Variants in SRRM4 observed in about 807,000 individuals in gnomAD.
SRRM4 encodes the protein serine/arginine repetitive matrix 4.
SRRM4 carries 33 observed loss-of-function variants against 68.9 expected under a neutral mutation model. The ratio of observed to expected loss-of-function variants is 0.48; its 90% CI spans 0.36 to 0.64. SRRM4 has a LOEUF of 0.64. Among genes scored for constraint, SRRM4 ranks in the 30% least tolerant of loss-of-function variants. The pLI, the probability that SRRM4 is intolerant of heterozygous loss-of-function variation, is 0.00. For synonymous variants in SRRM4, 318 were observed against 318.8 expected, an observed-to-expected ratio of 1.00 and a Z score of 0.03; for missense variants, 817 against 827.1, an observed-to-expected ratio of 0.99 and a Z score of 0.15.
chr12:118,999,416 C>T (rs1953369676), intron 1 of SRRM4, among the ~76,000 whole-genome samples: 1 of 152,088 alleles, frequency 6.6e-6, no homozygotes, highest in South Asian at 2.1e-4. Context: ...CTCAGGGAGC[C>T]CAATCTTATT....
intron 1 of SRRM4, among the ~76,000 whole-genome samples, chr12:118,983,743 G>T (rs964867386): frequency 6.6e-6 from 1 of 152,102 alleles, no homozygotes; most frequent in African/African-American, 2.4e-5. Context: ...GCCTTGCTTG[G>T]TACTTTCCAC....
At chr12:119,050,759 C>G (rs1338132539) in intron 1 of SRRM4, among the ~76,000 whole-genome samples, 1 of 152,174 alleles carries the variant, frequency 6.6e-6, no homozygotes, top group African/African-American at 2.4e-5. Flanking sequence ...AGATAGACCT[C>G]AAACTATGTT....
At chr12:119,111,070 A>G (rs1331340657) in intron 2 of SRRM4, among the ~76,000 whole-genome samples, 2 of 152,192 alleles carry the variant, frequency 1.3e-5, no homozygotes, top group Non-Finnish European at 2.9e-5. Context: ...CTTAACTACC[A>G]TTTGTTTAAC....
Position 119,125,415 on chromosome 12 carries a change from C to CGCCATCACCGCT in SRRM4, c.554_565dup (p.His185_Cys188dup), listed in dbSNP as rs751854067. The CGCCATCACCGCT allele has an allele frequency of 6.2e-7, 1 of 1,613,668 alleles. No homozygotes were observed. The highest frequency in any genetic ancestry group is 1.1e-5 in the South Asian group (1 of 91,012). On this transcript the variant is annotated inframe_insertion, in exon 7 of 13. Transcript: ENST00000267260. ...CCGGCCCCGAAAGTCTCACCGCCAC[C>CGCCATCACCGCT]GCCATCACCGCTGCCCCTCGCGGTC...
chr12:118,992,199 T>C (rs1953321253), intron 1 of SRRM4: 1 of 152,230 alleles, frequency 6.6e-6, no homozygotes, highest in Non-Finnish European at 1.5e-5. Context: ...GTCTGTAGTC[T>C]GCAGGTGAGC....
chr12:119,125,409 C>T lies in SRRM4; in HGVS notation c.544C>T (p.Arg182Cys), dbSNP rs1391699263. The change falls in exon 7 of 13, where the codon CGC (arginine) becomes TGC (cysteine). Residue 182 changes from arginine (R) to cysteine (C), a missense_variant. Transcript: ENST00000267260. ...QSRSRPRKSH[R>C]HRHHRCPSRS... Reference sequence around the variant, plus strand: ...TCGAAGCCGGCCCCGAAAGTCTCACCGCCACCGCCATCACCGCTGCCCCTC... The same window carrying T: ...TCGAAGCCGGCCCCGAAAGTCTCACTGCCACCGCCATCACCGCTGCCCCTC... The T allele has an allele frequency of 3.1e-6, 5 of 1,613,468 alleles. No homozygotes were observed. Among genetic ancestry groups the T allele is most frequent in the Middle Eastern group, 1.6e-4 (1 of 6,082 alleles).
At chr12:118,990,530 T>C (rs995862031) in intron 1 of SRRM4, among the ~76,000 whole-genome samples, 1 of 152,230 alleles carries the variant, frequency 6.6e-6, no homozygotes, top group Non-Finnish European at 1.5e-5. Flanking sequence ...ATTGCTAGTA[T>C]ATTCTTCTCT....
At chr12:119,047,994 T>C (rs1362164943) in intron 1 of SRRM4, among the ~76,000 whole-genome samples, 2 of 152,240 alleles carry the variant, frequency 1.3e-5, no homozygotes, top group East Asian at 1.9e-4. Flanking sequence ...AAGAGACAAA[T>C]GTTGCAATTC....
chr12:119,075,425 G>T (rs1953902679), intron 1 of SRRM4, among the ~76,000 whole-genome samples: 1 of 132,896 alleles, frequency 7.5e-6, no homozygotes, highest in Non-Finnish European at 1.6e-5. Context: ...GATGATGACA[G>T]TAATGATGAT....
At chr12:119,121,055 C>A (rs1054394360) in intron 5 of SRRM4, among the ~76,000 whole-genome samples, 2 of 152,152 alleles carry the variant, frequency 1.3e-5, no homozygotes, top group South Asian at 2.1e-4. Context: ...AGTAATGGCC[C>A]CATTTCACGG....
At chr12:119,116,901 G>A in intron 3 of SRRM4, 36 bp from the exon 4 acceptor site, 1 of 1,606,046 alleles carries the variant, frequency 6.2e-7, no homozygotes, top group Non-Finnish European at 8.5e-7. Flanking sequence ...GCCTTTAAGA[G>A]CCTCCTTCTG....
At chr12:119,028,812 A>C (rs753371649) in intron 1 of SRRM4, among the ~76,000 whole-genome samples, 31 of 152,180 alleles carry the variant, frequency 2.0e-4, no homozygotes, top group Non-Finnish European at 3.1e-4. Flanking sequence ...TTTTGGAAGA[A>C]AAGGCCTTGA....
chr12:119,122,121 G>A lies in SRRM4; in HGVS notation c.515+1G>A. 6.2e-7 allele frequency: 1 copy of A among 1,604,690 alleles called. No homozygotes were observed. Among genetic ancestry groups the A allele is most frequent in the African/African-American group, 1.3e-5 (1 of 74,828 alleles). On this transcript the variant is annotated splice_donor_variant, in intron 6 of 12. Coordinates refer to ENST00000267260, the MANE Select transcript of SRRM4 (RefSeq NM_194286.4). LOFTEE classifies it high-confidence loss of function. ...GAGATGAGAAGAGGCACAAGAAACA[G>A]TAAGTAGATACTACCTGGAATGTAC...
chr12:119,072,146 C>T (rs1031331957), intron 1 of SRRM4, among the ~76,000 whole-genome samples: 5 of 152,354 alleles, frequency 3.3e-5, no homozygotes, highest in African/African-American at 1.2e-4. Flanking sequence ...AATGCCTTTG[C>T]AGATACAATA....
chr12:119,137,505 G>C (rs1189576939), intron 8 of SRRM4, among the ~76,000 whole-genome samples: 2 of 151,916 alleles, frequency 1.3e-5, no homozygotes, highest in African/African-American at 4.8e-5. Flanking sequence ...TCGTGGTGGG[G>C]GGATTTAACT....
rs908403959 is a variant in SRRM4 at position 119,156,930 on chromosome 12, AGAG to A, written c.*136_*138del. On this transcript the variant is annotated 3_prime_UTR_variant, in exon 13 of 13. Transcript: ENST00000267260. ...TTGTCCTTCCTGCTTGCCTAGGGGAAGAGGAGAAGAGGGTAAGGGGGCTTCACT... is the reference window on the plus strand; with the variant it reads ...TTGTCCTTCCTGCTTGCCTAGGGGAAGAGAAGAGGGTAAGGGGGCTTCACT... 349 of 1,155,974 alleles carry A rather than the reference AGAG, an allele frequency of 3.0e-4. 1 individual carries two copies. Among genetic ancestry groups the A allele is most frequent in the African/African-American group, 7.8e-5 (5 of 64,378 alleles). 71.6% of individuals were successfully genotyped at this position (1,155,974 alleles called of 1,614,324 possible). A position where few individuals can be genotyped will look rare whatever the true frequency, so the allele number is the denominator to read the frequency against.
rs765064831 is a variant in SRRM4, at chr12:119,145,662, C to A, written c.1053C>A (p.Pro351=). ...GGGCCATGTTGGAGAATCTCTCCCC[C>A]ACCAGCAGGGGCAGAGAGTCAAGGT... The part of the protein sequence containing the change: ...NKGAMLENLS[P]TSRGRESRGF... The change falls in exon 9 of 13, where the codon CCC becomes CCA. Residue 351 remains proline (P), a synonymous_variant. Coordinates refer to ENST00000267260, the MANE Select transcript of SRRM4 (RefSeq NM_194286.4). 4 of 1,524,246 alleles carry A rather than the reference C, an allele frequency of 2.6e-6. No individual in the cohort carries two copies. The highest frequency in any genetic ancestry group is 3.5e-6 in the Non-Finnish European group (4 of 1,136,740). The allele number at this position is 1,524,246 out of a possible 1,614,324, so 94.4% of individuals were successfully genotyped here.
intron 1 of SRRM4, among the ~76,000 whole-genome samples, chr12:118,982,531 C>T (rs1953254174): frequency 6.6e-6 from 1 of 152,142 alleles, no homozygotes; most frequent in African/African-American, 2.4e-5. Context: ...ACAGCACCCT[C>T]CTCCACGCCT....
chr12:119,091,845 C>A lies in SRRM4; in HGVS notation c.132-10391C>A, dbSNP rs143521864. Reference sequence around the variant, plus strand: ...CCAGTCAGGATGTCTCCTTTCTCAGCCACTTCCACCCCATACCCCTATATG... The same window carrying A: ...CCAGTCAGGATGTCTCCTTTCTCAGACACTTCCACCCCATACCCCTATATG... On this transcript the variant is annotated intron_variant, in intron 1 of 12. Coordinates refer to ENST00000267260, the MANE Select transcript of SRRM4 (RefSeq NM_194286.4). Among the ~76,000 whole-genome samples, 262 of 152,222 alleles carry A rather than the reference C, an allele frequency of 1.7e-3. 2 individuals are homozygous for A. The highest frequency in any genetic ancestry group is 1.7e-3 in the African/African-American group (69 of 41,524).
Sources: allele counts gnomAD v4.1 joint callset (sites outside exome capture counted in the v4.1 genomes callset), GRCh38; gene constraint gnomAD v4.1.1; transcripts MANE v1.5; gene names NCBI Gene and HGNC (gene_info 2026-07-23, HGNC 2026-07-21).